ARHGEF18: variants seen among roughly 807,000 people sequenced by gnomAD.
The protein encoded by ARHGEF18 is rho guanine nucleotide exchange factor 18.
Under a neutral mutation model 155.7 loss-of-function variants are expected in ARHGEF18, and 93 were observed. The observed-to-expected ratio is 0.60, with a 90% CI of 0.50 to 0.71. ARHGEF18 has a LOEUF of 0.71. ARHGEF18 is among the 30% of genes least tolerant of loss of function. The probability of loss-of-function intolerance (pLI) is 0.00; values close to 1 mark genes in which losing one functional copy is unlikely to be tolerated. For synonymous variants in ARHGEF18, 742 were observed against 753.1 expected (o/e 0.99, Z 0.24); for missense variants, 1,593 against 1,816.1 (o/e 0.88, Z 2.23).
At chr19:7,446,902 AAAAAAAAAAG>A in intron 14 of ARHGEF18, 131 bp from the exon 15 acceptor site, 3 of 1,178,314 alleles carry the variant, frequency 2.5e-6, no homozygotes, top group South Asian at 1.6e-5. Context: ...TCTCAAAAAA[AAAAAAAAAAG>A]AAGAAGAAAG....
rs114747376 is a variant in ARHGEF18, at chr19:7,367,118, T to C, written c.15+4213T>C. Among the ~76,000 whole-genome samples, 1,186 of 152,288 alleles carry C rather than the reference T, an allele frequency of 7.8e-3. 17 individuals are homozygous for C. The highest frequency in any genetic ancestry group is 0.027 in the African/African-American group (1,123 of 41,550). ...ATTATTCTATCCGCCAAGGTTTGCA[T>C]TGCCCAAGCATCTCATTTCACCTGC... On this transcript the variant is annotated intron_variant, in intron 2 of 28. Coordinates refer to ENST00000668164, the MANE Select transcript of ARHGEF18 (RefSeq NM_001367823.1).
chr19:7,377,650 T>C (rs1434015713), intron 5 of ARHGEF18, among the ~76,000 whole-genome samples: 1 of 151,860 alleles, frequency 6.6e-6, no homozygotes, highest in Admixed American at 6.6e-5. Context: ...TAGCCAGGCA[T>C]GACGGTGTGC....
Position 7,470,841 on chromosome 19 carries a change from C to T in ARHGEF18, c.*543C>T. The stretch of plus-strand genomic sequence containing the variant: ...GCAGAATCCACTTCCCAAACAGAGC[C>T]CCACGCAGGTTCACCATGAACCTCA... On this transcript the variant is annotated 3_prime_UTR_variant, in exon 29 of 29. Transcript: ENST00000668164. This position sits in a 1 kb window ranked among gnomAD's most constrained non-coding sequence, Gnocchi z 5.9. The T allele has an allele frequency of 2.5e-6, 1 of 401,240 alleles. No individual in the cohort carries two copies. Among genetic ancestry groups the T allele is most frequent in the Non-Finnish European group, 4.4e-6 (1 of 226,272 alleles). The allele number at this position is 401,240 out of a possible 1,614,324, so 24.9% of individuals were successfully genotyped here. A position where few individuals can be genotyped will look rare whatever the true frequency, so the allele number is the denominator to read the frequency against.
At position 7,458,596 on chromosome 19, in the gene ARHGEF18, G is replaced by A. The variant is rs370503507; in HGVS notation, c.2266G>A (p.Ala756Thr). Residue 756 changes from alanine to threonine, a missense_variant, in exon 19 of 29, where the codon GCC (alanine) becomes ACC (threonine). By Grantham distance (58) the Ala-to-Thr change is moderately conservative (BLOSUM62 0). Coordinates refer to ENST00000668164, the MANE Select transcript of ARHGEF18 (RefSeq NM_001367823.1). ...GGAGAAAGCGATGTTTCTGATCAGC[G>A]CCTCCTTGCAAGGGCCGGAGATGTA... Reference protein sequence around the residue: ...NEEKAMFLISASLQGPEMYEI... With the variant: ...NEEKAMFLISTSLQGPEMYEI... 2.0e-5 allele frequency: 32 copies of A among 1,614,020 alleles called. No individual in the cohort carries two copies. In the East Asian group the frequency reaches 5.3e-4, roughly 27 times the overall value.
chr19:7,459,267 G>T (rs1393261001), intron 19 of ARHGEF18, among the ~76,000 whole-genome samples: 1 of 151,998 alleles, frequency 6.6e-6, no homozygotes, highest in African/African-American at 2.4e-5. Context: ...TATCACCCAG[G>T]CTGGAGTGCG....
intron 27 of ARHGEF18, among the ~76,000 whole-genome samples, chr19:7,469,655 C>G (rs1230732401): frequency 2.0e-5 from 3 of 152,188 alleles, no homozygotes; most frequent in Non-Finnish European, 4.4e-5. Flanking sequence ...AGGGCCTGTG[C>G]TATTTCCACA....
At chr19:7,466,836 A>AAATAAAAAAAAAAGG in intron 23 of ARHGEF18, 82 bp from the exon 24 acceptor site, 1 of 1,094,034 alleles carries the variant, frequency 9.1e-7, no homozygotes, top group African/African-American at 1.8e-5. Context: ...AGTTAAAAAA[A>AAATAAAAAAAAAAGG]AAGAAGAAGA....
In ARHGEF18 at chr19:7,472,391, A is replaced by G. The variant is rs935302512; in HGVS notation, c.*2093A>G. ...TAGTCACCTGCTAATTATTTTTACA[A>G]TGATTACAACATTTCCTCACTGCGG... is the stretch of plus-strand genomic sequence containing the variant. On this transcript the variant is annotated 3_prime_UTR_variant, in exon 29 of 29. Transcript: ENST00000668164. 6.5e-6 allele frequency: 1 copy of G among 153,596 alleles called. No homozygotes were observed. The highest frequency in any genetic ancestry group is 1.5e-5 in the Non-Finnish European group (1 of 68,762). The allele number at this position is 153,596 out of a possible 1,614,324, so 9.5% of individuals were successfully genotyped here.
intron 10 of ARHGEF18, among the ~76,000 whole-genome samples, chr19:7,424,657 ATTTAATT>A (rs1156899780): frequency 2.6e-5 from 4 of 152,146 alleles, no homozygotes; most frequent in African/African-American, 9.7e-5. Flanking sequence ...GTCGATTTTA[ATTTAATT>A]TTAAATTTTA....
At chr19:7,419,436 C>T (rs1179360401) in intron 10 of ARHGEF18, among the ~76,000 whole-genome samples, 1 of 151,880 alleles carries the variant, frequency 6.6e-6, no homozygotes, top group African/African-American at 2.4e-5. Context: ...ACTTAGTCCC[C>T]CCACACCCCA....
intron 10 of ARHGEF18, among the ~76,000 whole-genome samples, chr19:7,406,726 T>C (rs1972328031): frequency 6.6e-6 from 1 of 152,100 alleles, no homozygotes. Flanking sequence ...GTTCTGGAAT[T>C]TTCCTAGCGT....
intron 1 of ARHGEF18, among the ~76,000 whole-genome samples, chr19:7,361,098 C>G (rs1401903340): frequency 6.6e-6 from 1 of 152,200 alleles, no homozygotes. Context: ...TTAGGAACAG[C>G]TTTATTGAGC....
intron 19 of ARHGEF18, 106 bp from the exon 20 acceptor site, chr19:7,459,797 C>G: frequency 1.1e-6 from 1 of 943,516 alleles, no homozygotes; most frequent in Non-Finnish European, 1.6e-6. Flanking sequence ...TAAATCACTC[C>G]CAAAGTCAGA....
At chr19:7,352,690 C>A (rs535865972) in intron 1 of ARHGEF18, among the ~76,000 whole-genome samples, 18 of 150,138 alleles carry the variant, frequency 1.2e-4, no homozygotes, top group South Asian at 4.2e-4. Flanking sequence ...CCTGCCACCA[C>A]GCCCGGCTAT....
chr19:7,467,241 G>A lies in ARHGEF18; in HGVS notation c.3037G>A (p.Val1013Met), dbSNP rs751658026. The A allele has an allele frequency of 1.3e-6, 2 of 1,587,844 alleles. No homozygotes were observed. Among genetic ancestry groups the A allele is most frequent in the East Asian group, 4.6e-5 (2 of 43,774 alleles). Reference sequence around the variant, plus strand: ...GGTAATCGCCCACCAGGACAGCTATGTGGAGACGCAGCGGGCTGCCATCCA... The same window carrying A: ...GGTAATCGCCCACCAGGACAGCTATATGGAGACGCAGCGGGCTGCCATCCA... Reference protein sequence around the residue: ...QAVIAHQDSYVETQRAAIQER... With the variant: ...QAVIAHQDSYMETQRAAIQER... The change falls in exon 26 of 29, where the codon GTG (valine) becomes ATG (methionine). Residue 1013 changes from valine (V) to methionine (M), a missense_variant. Transcript: ENST00000668164.
rs1976300975 is a variant in ARHGEF18, at chr19:7,462,066, C to T, written c.2453-86C>T. 1.3e-6 allele frequency: 2 copies of T among 1,549,342 alleles called. No individual in the cohort carries two copies. The highest frequency in any genetic ancestry group is 3.4e-5 in the Admixed American group (2 of 58,792). On this transcript the variant is annotated intron_variant, in intron 20 of 28. Coordinates refer to ENST00000668164, the MANE Select transcript of ARHGEF18 (RefSeq NM_001367823.1). This position sits in a 1 kb window ranked among gnomAD's most constrained non-coding sequence, Gnocchi z 4.4. ...ACCTCAGGGCAGGGCCAGCGGGGTT[C>T]CTCATCCTTAGGCCAGTCCCCGGGG...
intron 10 of ARHGEF18, among the ~76,000 whole-genome samples, chr19:7,419,711 G>A (rs1006639096): frequency 6.6e-5 from 10 of 152,210 alleles, no homozygotes; most frequent in African/African-American, 2.4e-4. Flanking sequence ...CTTGAGCACT[G>A]AGTTGCGTAG....
At chr19:7,453,213 C>CA (rs1568351898) in intron 16 of ARHGEF18, among the ~76,000 whole-genome samples, 8 of 151,756 alleles carry the variant, frequency 5.3e-5, no homozygotes, top group Non-Finnish European at 8.8e-5. Context: ...CCTCCCCCCC[C>CA]CAAAAAAAAC....
chr19:7,453,669 C>T lies in ARHGEF18; in HGVS notation c.2058C>T (p.His686=), dbSNP rs1427272672. The T allele has an allele frequency of 1.2e-6, 2 of 1,602,382 alleles. No individual in the cohort carries two copies. Among genetic ancestry groups the T allele is most frequent in the African/African-American group, 2.7e-5 (2 of 74,676 alleles). ...RKEDMLQRQL[H]LEGMLCWKTT... The stretch of plus-strand genomic sequence containing the variant: ...AAGACATGCTTCAGCGGCAGCTCCA[C>T]CTGGAGGGCATGCTATGCTGGAAGA... The change falls in exon 17 of 29, where the codon CAC becomes CAT. Residue 686 remains histidine, a synonymous_variant. Coordinates refer to ENST00000668164, the MANE Select transcript of ARHGEF18 (RefSeq NM_001367823.1).
Sources: gnomAD v4.1 joint callset for allele counts (sites outside exome capture counted in the v4.1 genomes callset) on GRCh38, gnomAD v4.1.1 for gene constraint, Gnocchi (gnomAD v3.1) non-coding constraint, MANE v1.5 for transcripts, NCBI Gene and HGNC (gene_info 2026-07-23, HGNC 2026-07-21) for gene names.